The following HACE1 variants were observed in gnomAD, a reference collection of about 807,000 sequenced individuals.
HACE1 encodes HECT domain and ankyrin repeat containing E3 ubiquitin protein ligase 1.
Under a neutral mutation model 118.4 loss-of-function variants are expected in HACE1, and 73 were observed. That is an observed-to-expected ratio of 0.62 (90% CI 0.51 to 0.75). HACE1 has a LOEUF of 0.75. Among genes scored for constraint, HACE1 ranks in the 30% least tolerant of loss-of-function variants. The pLI, the probability that HACE1 is intolerant of heterozygous loss-of-function variation, is 0.00. For synonymous variants in HACE1, 368 were observed against 374.8 expected, an observed-to-expected ratio of 0.98 and a Z score of 0.21; for missense variants, 749 against 1,102.2, an observed-to-expected ratio of 0.68 and a Z score of 4.54.
intron 6 of HACE1, among the ~76,000 whole-genome samples, chr6:104,828,403 T>C (rs1773538480): frequency 6.6e-6 from 1 of 152,016 alleles, no homozygotes; most frequent in African/African-American, 2.4e-5. Context: ...CTTAATTATA[T>C]CACCAGTAAA....
chr6:104,851,542 T>C (rs1776207163), intron 2 of HACE1, among the ~76,000 whole-genome samples: 1 of 152,204 alleles, frequency 6.6e-6, no homozygotes, highest in Admixed American at 6.5e-5. Flanking sequence ...GATAATCCTA[T>C]GTTACCTGCT....
intron 7 of HACE1, among the ~76,000 whole-genome samples, chr6:104,803,514 C>T (rs572264802): frequency 6.6e-6 from 1 of 152,286 alleles, no homozygotes; most frequent in South Asian, 2.1e-4. Flanking sequence ...AGCTTATCCA[C>T]CACGATCAAG....
chr6:104,802,026 GA>G (rs1770418628), intron 7 of HACE1, among the ~76,000 whole-genome samples: 1 of 60,390 alleles, frequency 1.7e-5, no homozygotes, highest in Admixed American at 2.1e-4. Context: ...CCAAGCAAAC[GA>G]AAAGCCAAAA....
At chr6:104,796,849 T>C in intron 8 of HACE1, 80 bp downstream of exon 8, 1 of 1,107,506 alleles carries the variant, frequency 9.0e-7, no homozygotes, top group Non-Finnish European at 1.4e-6. Context: ...ACCTACCCTT[T>C]CATTGAAAAA....
At chr6:104,808,532 T>C (rs1490025031) in intron 7 of HACE1, among the ~76,000 whole-genome samples, 1 of 152,160 alleles carries the variant, frequency 6.6e-6, no homozygotes, top group Admixed American at 6.5e-5. Context: ...TTCCCCTGTA[T>C]CTTAATACCA....
chr6:104,737,643 C>T (rs1350089320), intron 22 of HACE1, among the ~76,000 whole-genome samples: 5 of 152,156 alleles, frequency 3.3e-5, no homozygotes, highest in African/African-American at 1.2e-4. Context: ...CGGCGCACCA[C>T]GAGATTATAT....
chr6:104,737,971 C>G (rs574652670), intron 22 of HACE1, among the ~76,000 whole-genome samples: 57 of 152,336 alleles, frequency 3.7e-4, no homozygotes, highest in South Asian at 6.2e-4. Context: ...CATCACGCAG[C>G]TGGAGATCTG....
At position 104,785,249 on chromosome 6, in the gene HACE1, T is replaced by A. The variant is rs748683111; in HGVS notation, c.1145A>T (p.Lys382Ile). The A allele has an allele frequency of 3.1e-6, 5 of 1,613,104 alleles. No individual in the cohort carries two copies. Among genetic ancestry groups the A allele is most frequent in the Non-Finnish European group, 4.2e-6 (5 of 1,179,116 alleles). The change falls in exon 12 of 24, where the codon AAA becomes ATA. Residue 382 changes from lysine (K) to isoleucine (I), a missense_variant. Lys to Ile is a moderately radical substitution (Grantham distance 102). Coordinates refer to ENST00000262903, the MANE Select transcript of HACE1 (RefSeq NM_020771.4). ...AGAAGTGATCTCTGTTGAGTCTCTT[T>A]TGTTTTTCATCAATTCTGTGGCTAT... is the stretch of plus-strand genomic sequence containing the variant. The part of the protein sequence containing the change: ...VLIATELMKN[K>I]RDSTEITSIL...
chr6:104,805,281 G>A (rs1770863756), intron 7 of HACE1, among the ~76,000 whole-genome samples: 3 of 152,190 alleles, frequency 2.0e-5, no homozygotes, highest in Admixed American at 1.3e-4. Flanking sequence ...TTCAATCATT[G>A]TGGAAGACAG....
chr6:104,787,417 C>A (rs1282587434), intron 11 of HACE1: 1 of 152,196 alleles, frequency 6.6e-6, no homozygotes. Context: ...AAATTCTAAT[C>A]ATGATCCAAG....
chr6:104,735,298 T>C (rs1009030286), intron 22 of HACE1, among the ~76,000 whole-genome samples: 1 of 152,082 alleles, frequency 6.6e-6, no homozygotes, highest in Non-Finnish European at 1.5e-5. Context: ...AGGTAATTCA[T>C]ACCACACACA....
intron 19 of HACE1, among the ~76,000 whole-genome samples, chr6:104,770,072 T>C (rs756067127): frequency 1.6e-4 from 24 of 152,212 alleles, no homozygotes; most frequent in Non-Finnish European, 3.4e-4. Context: ...GTTCGAAGAA[T>C]TGTTAAACAT....
At chr6:104,743,303 A>G (rs893116307) in intron 22 of HACE1, among the ~76,000 whole-genome samples, 13 of 149,564 alleles carry the variant, frequency 8.7e-5, no homozygotes, top group African/African-American at 2.7e-4. Context: ...CCTAAAACTT[A>G]AAGTATAATA....
intron 1 of HACE1, among the ~76,000 whole-genome samples, chr6:104,854,220 A>G: frequency 6.6e-6 from 1 of 152,252 alleles, no homozygotes; most frequent in East Asian, 1.9e-4. Context: ...AACACAAAGA[A>G]AAACTAAAGA....
rs1783133857 is a variant in HACE1, at chr6:104,792,533, T to C, written c.924-879A>G. Among the ~76,000 whole-genome samples the C allele has an allele frequency of 2.6e-5, 4 of 152,328 alleles. No individual in the cohort carries two copies. The South Asian group carries it at 6.2e-4, about 24-fold the overall frequency. On this transcript the variant is annotated intron_variant, in intron 10 of 23. Transcript: ENST00000262903. ...TTTATTTTGAAATCTCTAACATCAGTTATCTTGTATCACAAATGTCGGAGC... is the reference window on the plus strand; with the variant it reads ...TTTATTTTGAAATCTCTAACATCAGCTATCTTGTATCACAAATGTCGGAGC...
chr6:104,796,385 C>T (rs1376884772), intron 9 of HACE1, among the ~76,000 whole-genome samples: 2 of 152,170 alleles, frequency 1.3e-5, no homozygotes, highest in Non-Finnish European at 2.9e-5. Context: ...GCTGGAATTA[C>T]AGGCGTGAGA....
chr6:104,768,356 A>G (rs1051989380), intron 19 of HACE1, among the ~76,000 whole-genome samples: 1 of 152,108 alleles, frequency 6.6e-6, no homozygotes, highest in Non-Finnish European at 1.5e-5. Flanking sequence ...AAAGTTCATA[A>G]CAGAATGTAT....
intron 22 of HACE1, 34 bp from the exon 23 acceptor site, chr6:104,730,450 G>T: frequency 1.0e-6 from 1 of 975,390 alleles, no homozygotes; most frequent in South Asian, 1.3e-5. Context: ...TTGTAATCAT[G>T]AAAGAAAGAT....
intron 7 of HACE1, among the ~76,000 whole-genome samples, chr6:104,805,621 G>A (rs567121182): frequency 3.9e-5 from 6 of 152,030 alleles, no homozygotes; most frequent in Non-Finnish European, 7.4e-5. Context: ...ACTAAACACC[G>A]CATGTTCTCA....
Sources: allele counts gnomAD v4.1 joint callset (sites outside exome capture counted in the v4.1 genomes callset), GRCh38; gene constraint gnomAD v4.1.1; transcripts MANE v1.5; gene names NCBI Gene and HGNC (gene_info 2026-07-23, HGNC 2026-07-21).